Variants in HCN1 observed in about 807,000 individuals in gnomAD.
HCN1 encodes the protein potassium/sodium hyperpolarization-activated cyclic nucleotide-gated channel 1.
A neutral mutation model predicts 78.9 loss-of-function variants in HCN1; 13 were observed. That is an observed-to-expected ratio of 0.16 (90% CI 0.11 to 0.26). The LOEUF is 0.26. Ranked by LOEUF, HCN1 falls within the 10% of genes least tolerant of loss-of-function variation. The pLI, the probability that HCN1 is intolerant of heterozygous loss-of-function variation, is 1.00. For missense variants in HCN1, 810 were observed against 1,154.3 expected (o/e 0.70, Z 4.32); for synonymous variants, 552 against 455.5 (o/e 1.21, Z -2.70).
chr5:45,461,756 A>C (rs1741165535), intron 3 of HCN1, 90 bp downstream of exon 3: 1 of 1,144,768 alleles, frequency 8.7e-7, no homozygotes, highest in African/African-American at 1.5e-5. Flanking sequence ...ACATTTATAG[A>C]GAAGAAATCA....
At chr5:45,345,488 C>T (rs1340194715) in intron 5 of HCN1, among the ~76,000 whole-genome samples, 1 of 152,156 alleles carries the variant, frequency 6.6e-6, no homozygotes, top group African/African-American at 2.4e-5. Flanking sequence ...TATGCTCTGT[C>T]AACTTTTGAA....
chr5:45,438,595 A>C (rs1740610736), intron 3 of HCN1, among the ~76,000 whole-genome samples: 1 of 151,876 alleles, frequency 6.6e-6, no homozygotes. Flanking sequence ...GTCTCAAAAA[A>C]AAAAAAACAA....
chr5:45,577,868 G>A (rs1743981493), intron 2 of HCN1, among the ~76,000 whole-genome samples: 2 of 151,978 alleles, frequency 1.3e-5, no homozygotes, highest in South Asian at 4.1e-4. Flanking sequence ...TGATATTGTT[G>A]CCTAAGTTGA....
chr5:45,417,276 T>G (rs1401580594), intron 3 of HCN1, among the ~76,000 whole-genome samples: 2 of 151,980 alleles, frequency 1.3e-5, no homozygotes, highest in East Asian at 3.9e-4. Flanking sequence ...CCCTTTCACC[T>G]ACTACATTAA....
intron 1 of HCN1, among the ~76,000 whole-genome samples, chr5:45,689,622 T>A (rs1357444505): frequency 6.6e-6 from 1 of 152,108 alleles, no homozygotes; most frequent in East Asian, 1.9e-4. Context: ...GAACTCAGGT[T>A]GTTCTAGGAG....
intron 3 of HCN1, among the ~76,000 whole-genome samples, chr5:45,424,120 A>AT (rs1740288708): frequency 1.9e-5 from 2 of 106,358 alleles, no homozygotes; most frequent in African/African-American, 4.2e-5. Flanking sequence ...CTAAAAATCC[A>AT]AAAAAAAAAA....
At chr5:45,326,116 G>A (rs948097260) in intron 5 of HCN1, among the ~76,000 whole-genome samples, 2 of 151,156 alleles carry the variant, frequency 1.3e-5, no homozygotes, top group Admixed American at 6.6e-5. Flanking sequence ...GAAAACAAAA[G>A]GACCACGCAT....
At chr5:45,615,298 G>A (rs1744921164) in intron 2 of HCN1, among the ~76,000 whole-genome samples, 1 of 151,982 alleles carries the variant, frequency 6.6e-6, no homozygotes, top group South Asian at 2.1e-4. Flanking sequence ...GAGAGTGAGA[G>A]AAAAAGTGAC....
intron 4 of HCN1, among the ~76,000 whole-genome samples, chr5:45,359,738 A>C (rs1441011999): frequency 6.6e-6 from 1 of 151,836 alleles, no homozygotes; most frequent in African/African-American, 2.4e-5. Flanking sequence ...TGAAAGGCAT[A>C]GACCTTCATC....
rs544130936 is a variant in HCN1, at chr5:45,686,356, T to C, written c.425+9313A>G. On this transcript the variant is annotated intron_variant, in intron 1 of 7. Coordinates refer to ENST00000303230, the MANE Select transcript of HCN1 (RefSeq NM_021072.4). ...CAACCACCATAATTGTTTCTTTTAG[T>C]GTTTAGTTCATATTTCAAAGACAAA... Among the ~76,000 whole-genome samples the C allele has an allele frequency of 3.3e-5, 5 of 152,280 alleles. No individual in the cohort carries two copies. The South Asian group carries it at 1.0e-3, about 32-fold the overall frequency.
At chr5:45,472,245 G>A (rs1216798903) in intron 2 of HCN1, among the ~76,000 whole-genome samples, 1 of 151,804 alleles carries the variant, frequency 6.6e-6, no homozygotes, top group African/African-American at 2.4e-5. Context: ...TCTGACTGAT[G>A]ACCTTATTCA....
Position 45,267,188 on chromosome 5 carries a change from A to G in HCN1, c.1684T>C (p.Tyr562His). The change falls in exon 7 of 8, where the codon TAC becomes CAC. Residue 562 changes from tyrosine (Y) to histidine (H), a missense_variant. This residue lies in a region of HCN1 where 36 missense variants were observed against 58.5 expected (regional missense o/e 0.62). Transcript: ENST00000303230. ...SVRADTYCRL[Y>H]SLSVDNFNEV... is the part of the protein sequence containing the mutation. The stretch of plus-strand genomic sequence containing the variant: ...TTGAAATTGTCCACGGAAAGTGAGT[A>G]AAGACGACAATATGTATCAGCTCGA... The G allele has an allele frequency of 6.2e-7, 1 of 1,614,024 alleles. No homozygotes were observed. Among genetic ancestry groups the G allele is most frequent in the Non-Finnish European group, 8.5e-7 (1 of 1,179,900 alleles).
intron 4 of HCN1, among the ~76,000 whole-genome samples, chr5:45,392,259 A>G (rs911325314): frequency 3.9e-5 from 6 of 152,112 alleles, no homozygotes; most frequent in African/African-American, 1.2e-4. Context: ...AGGTTGATTT[A>G]AAAAAATTAA....
chr5:45,282,608 A>C (rs771169570), intron 6 of HCN1, among the ~76,000 whole-genome samples: 12 of 152,200 alleles, frequency 7.9e-5, no homozygotes, highest in Non-Finnish European at 1.5e-4. Flanking sequence ...AAAACCATCC[A>C]TAATCTGGTC....
At chr5:45,372,211 A>ATT (rs1227935982) in intron 4 of HCN1, among the ~76,000 whole-genome samples, 1 of 72,996 alleles carries the variant, frequency 1.4e-5, no homozygotes, top group African/African-American at 6.4e-5. Flanking sequence ...TACATATTAT[A>ATT]TAATATAATA....
chr5:45,350,005 T>C (rs542747057), intron 5 of HCN1, among the ~76,000 whole-genome samples: 1 of 152,032 alleles, frequency 6.6e-6, no homozygotes, highest in Non-Finnish European at 1.5e-5. Flanking sequence ...AAAGAGGGAA[T>C]CCTCCCTAAT....
chr5:45,677,988 A>G (rs370544736), intron 1 of HCN1, among the ~76,000 whole-genome samples: 2,221 of 75,348 alleles, frequency 0.029, 63 homozygotes, highest in African/African-American at 0.11. Context: ...ACACACACAC[A>G]TACACACACA....
chr5:45,610,936 T>G (rs894271287), intron 2 of HCN1, among the ~76,000 whole-genome samples: 38 of 152,150 alleles, frequency 2.5e-4, no homozygotes, highest in Non-Finnish European at 4.1e-4. Flanking sequence ...GGCTTTATTT[T>G]GGATTTGTTT....
intron 5 of HCN1, among the ~76,000 whole-genome samples, chr5:45,339,574 G>A (rs1277960887): frequency 1.3e-5 from 2 of 152,144 alleles, no homozygotes; most frequent in African/African-American, 4.8e-5. Context: ...AAGGGAATAA[G>A]AGGTCATGAG....
Sources: gnomAD v4.1 joint callset for allele counts (sites outside exome capture counted in the v4.1 genomes callset) on GRCh38, gnomAD v4.1.1 for gene constraint, gnomAD v4.1.1 regional missense constraint, MANE v1.5 for transcripts, NCBI Gene and HGNC (gene_info 2026-07-23, HGNC 2026-07-21) for gene names.